PALM: variants seen among roughly 807,000 people sequenced by gnomAD.
The protein encoded by PALM is paralemmin-1.
Under a neutral mutation model 30.7 loss-of-function variants are expected in PALM, and 18 were observed. That is an observed-to-expected ratio of 0.59 (90% CI 0.41 to 0.87). The LOEUF (loss-of-function observed/expected upper bound fraction) is 0.87, where lower values mean the gene tolerates loss of function less well. Among genes scored for constraint, PALM ranks in the 40% least tolerant of loss-of-function variants. The pLI, the probability that PALM is intolerant of heterozygous loss-of-function variation, is 0.00. For synonymous variants in PALM, 286 were observed against 242.8 expected, an observed-to-expected ratio of 1.18 and a Z score of -1.66; for missense variants, 529 against 555.4, an observed-to-expected ratio of 0.95 and a Z score of 0.48.
intron 7 of PALM, among the ~76,000 whole-genome samples, chr19:739,346 G>A (rs2033118923): frequency 6.6e-6 from 1 of 152,080 alleles, no homozygotes; most frequent in Non-Finnish European, 1.5e-5. Flanking sequence ...CGTGACCCCG[G>A]GCAAGGCAGG....
chr19:733,355 G>A (rs2032928393), intron 5 of PALM, among the ~76,000 whole-genome samples: 1 of 152,232 alleles, frequency 6.6e-6, no homozygotes, highest in African/African-American at 2.4e-5. Flanking sequence ...TTCCTGACGG[G>A]CACACCCAGT....
chr19:747,138 G>A lies in PALM; in HGVS notation c.*324G>A. 3.4e-6 allele frequency: 1 copy of A among 297,606 alleles called. No homozygotes were observed. Among genetic ancestry groups the A allele is most frequent in the Non-Finnish European group, 6.3e-6 (1 of 157,616 alleles). The allele number at this position is 297,606 out of a possible 1,614,324, so 18.4% of individuals were successfully genotyped here. On this transcript the variant is annotated 3_prime_UTR_variant, in exon 9 of 9. Coordinates refer to ENST00000338448, the MANE Select transcript of PALM (RefSeq NM_002579.3). ...GCTCGCGCCCACCGGGGTCCTGGCG[G>A]GTGGGACCCGCAGCCTCCACGCGGC...
At chr19:712,550 A>AT in intron 1 of PALM, among the ~76,000 whole-genome samples, 1 of 148,084 alleles carries the variant, frequency 6.8e-6, no homozygotes, top group East Asian at 2.0e-4. Flanking sequence ...CGCCCGGCTA[A>AT]TTTTTTGTGT....
At chr19:717,220 G>A (rs780861721) in intron 1 of PALM, among the ~76,000 whole-genome samples, 8 of 152,058 alleles carry the variant, frequency 5.3e-5, no homozygotes, top group Non-Finnish European at 7.4e-5. Flanking sequence ...GAGCCACCGC[G>A]CCCAGCAGAG....
At chr19:736,706 G>T (rs760971769) in intron 7 of PALM, among the ~76,000 whole-genome samples, 1 of 152,196 alleles carries the variant, frequency 6.6e-6, no homozygotes, top group Non-Finnish European at 1.5e-5. Context: ...ATGAGAAATC[G>T]TCGCAGTGGG....
rs960713305 is a variant in PALM, at chr19:709,430, G to A, written c.5+279G>A. On this transcript the variant is annotated intron_variant, in intron 1 of 8. Transcript: ENST00000338448. This position sits in a 1 kb window ranked among gnomAD's most constrained non-coding sequence, Gnocchi z 4.3. The stretch of plus-strand genomic sequence containing the variant: ...CGGGCCAGTCCAGGACGCGGGGAGG[G>A]GGAGGCTCGCGTCTCCGCCCGCGCC... Among the ~76,000 whole-genome samples, 10 of 151,698 alleles carry A rather than the reference G, an allele frequency of 6.6e-5. No homozygotes were observed. The highest frequency in any genetic ancestry group is 5.2e-4 in the Admixed American group (8 of 15,268).
chr19:728,112 G>GGCAA (rs1352467578), intron 4 of PALM, among the ~76,000 whole-genome samples: 1 of 152,200 alleles, frequency 6.6e-6, no homozygotes, highest in Non-Finnish European at 1.5e-5. Context: ...CCAGCTGGCG[G>GGCAA]GCAAGCGCTC....
At chr19:741,289 C>A (rs2033179266) in intron 8 of PALM, among the ~76,000 whole-genome samples, 1 of 152,108 alleles carries the variant, frequency 6.6e-6, no homozygotes, top group South Asian at 2.1e-4. Context: ...CAGAGACACG[C>A]AGTGCATGGG....
At chr19:714,664 T>A in intron 1 of PALM, among the ~76,000 whole-genome samples, 1 of 151,774 alleles carries the variant, frequency 6.6e-6, no homozygotes, top group South Asian at 2.1e-4. Flanking sequence ...AGCCTTCTTT[T>A]TTTTAGACTG....
intron 1 of PALM, among the ~76,000 whole-genome samples, chr19:724,293 G>A (rs929175275): frequency 2.6e-5 from 4 of 152,080 alleles, no homozygotes; most frequent in East Asian, 3.9e-4. Flanking sequence ...AGGCGTATCC[G>A]GCAACAGTGG....
At chr19:725,842 C>G (rs1274739397) in intron 1 of PALM, among the ~76,000 whole-genome samples, 1 of 152,174 alleles carries the variant, frequency 6.6e-6, no homozygotes, top group African/African-American at 2.4e-5. Flanking sequence ...ACACCCTTCT[C>G]TGGCCTTTGA....
At chr19:710,195 C>G (rs557846838) in intron 1 of PALM, among the ~76,000 whole-genome samples, 2 of 152,334 alleles carry the variant, frequency 1.3e-5, no homozygotes, top group South Asian at 4.1e-4. Context: ...GGCGTGTTTT[C>G]TAAGCCGCCA....
intron 2 of PALM, 58 bp from the exon 3 acceptor site, chr19:726,950 T>TGGGGG: frequency 5.8e-6 from 5 of 864,324 alleles, no homozygotes; most frequent in Non-Finnish European, 6.9e-6. Context: ...TGTGTGGGGG[T>TGGGGG]GGGGGGGTCT....
rs556444812 is a variant in PALM, at chr19:742,402, C to T, written c.634+1919C>T. Reference sequence around the variant, plus strand: ...GGTGGATCACCTGAGGTCAGGAGTTCGAGACCAGCCTGGCCAACATGGAGA... The same window carrying T: ...GGTGGATCACCTGAGGTCAGGAGTTTGAGACCAGCCTGGCCAACATGGAGA... On this transcript the variant is annotated intron_variant, in intron 8 of 8. Transcript: ENST00000338448. The surrounding 1 kb of genome is among the most constrained non-coding windows in gnomAD (Gnocchi z 5.5). Among the ~76,000 whole-genome samples the T allele has an allele frequency of 2.6e-5, 4 of 152,134 alleles. No homozygotes were observed. Among genetic ancestry groups the T allele is most frequent in the Non-Finnish European group, 4.4e-5 (3 of 67,988 alleles).
intron 1 of PALM, 101 bp from the exon 2 acceptor site, chr19:726,037 C>T (rs972153198): frequency 4.5e-6 from 4 of 895,362 alleles, no homozygotes; most frequent in Non-Finnish European, 7.3e-6. Context: ...ATCCCTTGCC[C>T]TGGTTACCCC....
rs1163536660 is a variant in PALM at position 722,108 on chromosome 19, C to T, written c.6-4030C>T. Among the ~76,000 whole-genome samples, 791 of 150,532 alleles carry T rather than the reference C, an allele frequency of 5.3e-3. 3 individuals are homozygous for T. The highest frequency in any genetic ancestry group is 8.3e-3 in the Non-Finnish European group (565 of 67,696). On this transcript the variant is annotated intron_variant, in intron 1 of 8. Coordinates refer to ENST00000338448, the MANE Select transcript of PALM (RefSeq NM_002579.3). Reference sequence around the variant, plus strand: ...TAATTTTTTGTGTTTTTAGTAGAGACGGGGTTTCACCGTGTTAGCCAGGAT... The same window carrying T: ...TAATTTTTTGTGTTTTTAGTAGAGATGGGGTTTCACCGTGTTAGCCAGGAT...
intron 6 of PALM, 139 bp downstream of exon 6, chr19:734,333 G>A: frequency 1.3e-6 from 1 of 758,140 alleles, no homozygotes; most frequent in Non-Finnish European, 2.2e-6. Flanking sequence ...GCCGAGGCGG[G>A]TAGATCTCCT....
chr19:712,657 A>G (rs576546898), intron 1 of PALM, among the ~76,000 whole-genome samples: 2 of 151,176 alleles, frequency 1.3e-5, no homozygotes, highest in South Asian at 2.1e-4. Context: ...TGCTGGGATT[A>G]CAGGTGTGAG....
Position 746,878 on chromosome 19 carries a change from G to A in PALM, c.*64G>A, listed in dbSNP as rs1003117043. On this transcript the variant is annotated 3_prime_UTR_variant, in exon 9 of 9. Transcript: ENST00000338448. The surrounding 1 kb of genome is among the most constrained non-coding windows in gnomAD (Gnocchi z 7.1). ...GACACCCACCAGCCCGGCCCCTCCC[G>A]GCGCCTGCCCACCCTCCACCCACAG... 91 of 883,318 alleles carry A rather than the reference G, an allele frequency of 1.0e-4. No homozygotes were observed. Among genetic ancestry groups the A allele is most frequent in the Non-Finnish European group, 1.4e-4 (85 of 628,738 alleles). The allele number at this position is 883,318 out of a possible 1,614,324, so 54.7% of individuals were successfully genotyped here. A position where few individuals can be genotyped will look rare whatever the true frequency, so the allele number is the denominator to read the frequency against.
Sources: allele counts gnomAD v4.1 joint callset (sites outside exome capture counted in the v4.1 genomes callset), GRCh38; gene constraint gnomAD v4.1.1; non-coding constraint Gnocchi (gnomAD v3.1); transcripts MANE v1.5; gene names NCBI Gene and HGNC (gene_info 2026-07-23, HGNC 2026-07-21).